Variants in SDK1 observed in about 807,000 individuals in gnomAD.
SDK1 encodes the protein protein sidekick-1.
A neutral mutation model predicts 245.5 loss-of-function variants in SDK1; 157 were observed. The ratio of observed to expected loss-of-function variants is 0.64; its 90% CI spans 0.56 to 0.73. SDK1 has a LOEUF of 0.73. Among genes scored for constraint, SDK1 ranks in the 30% least tolerant of loss-of-function variants. SDK1 has a pLI of 0.00. For synonymous variants in SDK1, 1,647 were observed against 1,278.5 expected (o/e 1.29, Z -6.15); for missense variants, 3,583 against 3,002.3 (o/e 1.19, Z -4.52).
intron 2 of SDK1, among the ~76,000 whole-genome samples, chr7:3,631,956 C>G (rs558847869): frequency 6.6e-6 from 1 of 152,042 alleles, no homozygotes; most frequent in Admixed American, 6.5e-5. Context: ...TTCCATTATG[C>G]GTTGGAATGG....
intron 19 of SDK1, among the ~76,000 whole-genome samples, chr7:4,062,885 G>A (rs527253517): frequency 5.2e-4 from 79 of 152,182 alleles, no homozygotes; most frequent in Middle Eastern, 3.4e-3. Flanking sequence ...TGCATAAAAA[G>A]CATTTAATAA....
chr7:4,266,658 G>C lies in SDK1; in HGVS notation c.*1274G>C. The C allele has an allele frequency of 1.0e-6, 1 of 985,462 alleles. No homozygotes were observed. The highest frequency in any genetic ancestry group is 1.2e-6 in the Non-Finnish European group (1 of 829,930). 61.0% of individuals were successfully genotyped at this position (985,462 alleles called of 1,614,324 possible). On this transcript the variant is annotated 3_prime_UTR_variant, in exon 45 of 45. Transcript: ENST00000404826. ...ATGAACTACTTTGGAAAACTTAACA[G>C]CTCAGAGATGGCCATGCCTCCAGCC... is the stretch of plus-strand genomic sequence containing the variant.
intron 1 of SDK1, among the ~76,000 whole-genome samples, chr7:3,600,210 T>C (rs118117332): frequency 1.3e-5 from 2 of 152,352 alleles, no homozygotes; most frequent in African/African-American, 2.4e-5. Flanking sequence ...TGTTTCATTT[T>C]GGTTTCTAAA....
chr7:4,264,489 C>G (rs1417530644), intron 44 of SDK1, among the ~76,000 whole-genome samples: 1 of 91,554 alleles, frequency 1.1e-5, no homozygotes, highest in Non-Finnish European at 2.6e-5. Flanking sequence ...TGGACCTCTC[C>G]TGAGTGAGGG....
intron 1 of SDK1, among the ~76,000 whole-genome samples, chr7:3,324,408 T>G (rs1779892116): frequency 6.6e-6 from 1 of 152,146 alleles, no homozygotes; most frequent in Admixed American, 6.5e-5. Context: ...AAGGCAGTTT[T>G]TTGCTTGCCT....
At chr7:4,260,735 T>C (rs577395266) in intron 44 of SDK1, among the ~76,000 whole-genome samples, 4 of 145,212 alleles carry the variant, frequency 2.8e-5, no homozygotes, top group South Asian at 2.3e-4. Context: ...GATGTGTTCA[T>C]CGTCACCTGA....
At chr7:4,264,675 G>GGCTGCGTAGATCTCT (rs2128245547) in intron 44 of SDK1, among the ~76,000 whole-genome samples, 1 of 151,210 alleles carries the variant, frequency 6.6e-6, no homozygotes, top group South Asian at 2.1e-4. Flanking sequence ...GAGTGAGGGA[G>GGCTGCGTAGATCTCT]GCTGCGTAGA....
intron 1 of SDK1, among the ~76,000 whole-genome samples, chr7:3,528,948 C>G (rs1166221167): frequency 3.3e-5 from 5 of 152,108 alleles, no homozygotes; most frequent in Non-Finnish European, 4.4e-5. Flanking sequence ...AAGGAGCAAT[C>G]AGGCCAGGGT....
At chr7:3,772,092 C>A (rs1265038196) in intron 4 of SDK1, among the ~76,000 whole-genome samples, 1 of 152,146 alleles carries the variant, frequency 6.6e-6, no homozygotes. Context: ...TCAGACTTTC[C>A]TTCCTTTTTA....
intron 1 of SDK1, among the ~76,000 whole-genome samples, chr7:3,325,094 A>G (rs538177227): frequency 2.0e-5 from 3 of 152,154 alleles, no homozygotes; most frequent in Admixed American, 2.0e-4. Context: ...AGAAGATCTT[A>G]AAGTTCTCTA....
intron 5 of SDK1, among the ~76,000 whole-genome samples, chr7:3,873,484 T>TGTCA (rs1301365049): frequency 1.3e-5 from 2 of 152,162 alleles, no homozygotes; most frequent in Non-Finnish European, 2.9e-5. Flanking sequence ...ATTTGGTGTC[T>TGTCA]GTCACTAATT....
chr7:3,513,212 T>G (rs1275954315), intron 1 of SDK1, among the ~76,000 whole-genome samples: 2 of 152,194 alleles, frequency 1.3e-5, no homozygotes, highest in Non-Finnish European at 2.9e-5. Flanking sequence ...CCAGCACCAC[T>G]GTGGGTGGAC....
In SDK1 at chr7:3,338,627, CAAACA is replaced by C. The variant is rs576998638; in HGVS notation, c.298+36747_298+36751del. ...TAGGTGTTAAAAACAAACAAACAAACAAACAAAAAAAAACACCAAAACAAGAAAAT... is the reference window on the plus strand; with the variant it reads ...TAGGTGTTAAAAACAAACAAACAAACAAAAAAAACACCAAAACAAGAAAAT... On this transcript the variant is annotated intron_variant, in intron 1 of 44. Transcript: ENST00000404826. 6.0e-3 allele frequency: 947 copies of C among 157,398 alleles called. 14 individuals carry two copies. Among genetic ancestry groups the C allele is most frequent in the African/African-American group, 0.027 (757 of 27,706 alleles). 9.8% of individuals were successfully genotyped at this position (157,398 alleles called of 1,614,324 possible).
At chr7:4,103,403 G>A (rs1339857430) in intron 22 of SDK1, among the ~76,000 whole-genome samples, 1 of 152,094 alleles carries the variant, frequency 6.6e-6, no homozygotes, top group East Asian at 1.9e-4. Context: ...TTCTTTCTTG[G>A]CCTTGAAATC....
At chr7:3,579,905 C>T (rs1354727098) in intron 1 of SDK1, among the ~76,000 whole-genome samples, 1 of 152,168 alleles carries the variant, frequency 6.6e-6, no homozygotes, top group African/African-American at 2.4e-5. Flanking sequence ...ATCATCTTGG[C>T]CCAAAGTGTT....
chr7:3,384,658 C>G (rs1334690038), intron 1 of SDK1, among the ~76,000 whole-genome samples: 2 of 152,212 alleles, frequency 1.3e-5, no homozygotes, highest in Non-Finnish European at 2.9e-5. Flanking sequence ...GTTAGATTAG[C>G]TGTAGCTTCC....
At chr7:3,647,245 T>C (rs1179692735) in intron 4 of SDK1, among the ~76,000 whole-genome samples, 1 of 152,138 alleles carries the variant, frequency 6.6e-6, no homozygotes, top group Non-Finnish European at 1.5e-5. Context: ...AGTGAGACCC[T>C]CTCTCTATTT....
chr7:4,134,104 G>A (rs542508952), intron 28 of SDK1, among the ~76,000 whole-genome samples: 28 of 152,324 alleles, frequency 1.8e-4, no homozygotes, highest in African/African-American at 6.0e-4. Flanking sequence ...TGGACGGAAA[G>A]TCAGATATTT....
intron 31 of SDK1, among the ~76,000 whole-genome samples, chr7:4,161,028 C>A (rs757167506): frequency 6.6e-6 from 1 of 152,196 alleles, no homozygotes; most frequent in Non-Finnish European, 1.5e-5. Context: ...ATGCGTGTCA[C>A]ACTTCTGCTG....
Sources: gnomAD v4.1 joint callset for allele counts (sites outside exome capture counted in the v4.1 genomes callset) on GRCh38, gnomAD v4.1.1 for gene constraint, MANE v1.5 for transcripts, NCBI Gene and HGNC (gene_info 2026-07-23, HGNC 2026-07-21) for gene names.